Variants in CUX1 observed in about 807,000 individuals in gnomAD.
CUX1 encodes protein CASP.
In CUX1, 31 loss-of-function variants were observed where a neutral mutation model predicts 158.8. The ratio of observed to expected loss-of-function variants is 0.20; its 90% CI spans 0.15 to 0.26. The LOEUF is 0.26. Among genes scored for constraint, CUX1 ranks in the 10% least tolerant of loss-of-function variants. The probability of loss-of-function intolerance (pLI) is 1.00; values close to 1 mark genes in which losing one functional copy is unlikely to be tolerated. For synonymous variants in CUX1, 879 were observed against 862.1 expected (o/e 1.02, Z -0.34); for missense variants, 1,589 against 2,014.6 (o/e 0.79, Z 4.04).
intron 20 of CUX1, among the ~76,000 whole-genome samples, chr7:102,213,321 G>A (rs1796734774): frequency 6.6e-6 from 1 of 152,234 alleles, no homozygotes; most frequent in South Asian, 2.1e-4. Context: ...GAAGTTGCCT[G>A]TTCATTGACC....
chr7:101,903,530 A>AT (rs557766270), intron 1 of CUX1, among the ~76,000 whole-genome samples: 12 of 152,226 alleles, frequency 7.9e-5, no homozygotes, highest in African/African-American at 2.4e-4. Flanking sequence ...TAAAACGGAC[A>AT]TTTTTTTGTA....
Position 102,205,145 on chromosome 7 carries a change from G to T in CUX1, c.3105G>T (p.Pro1035=). 6.2e-7 allele frequency: 1 copy of T among 1,611,602 alleles called. No individual in the cohort carries two copies. Among genetic ancestry groups the T allele is most frequent in the Non-Finnish European group, 8.5e-7 (1 of 1,178,542 alleles). ...ACTCCGTGACATCGCTCCAGGACCCGCTGCAGCAGGGCTGTGTGAGCTCAG... is the reference window on the plus strand; with the variant it reads ...ACTCCGTGACATCGCTCCAGGACCCTCTGCAGCAGGGCTGTGTGAGCTCAG... The part of the protein sequence containing the change: ...VLHSVTSLQD[P]LQQGCVSSES... The change falls in exon 20 of 24, where the codon CCG becomes CCT. Residue 1035 remains proline (P), a synonymous_variant. Coordinates refer to ENST00000292535, the MANE Select transcript of CUX1 (RefSeq NM_181552.4).
Position 102,280,861 on chromosome 7 carries a change from G to T in CUX1, c.1821+1G>T, listed in dbSNP as rs1487927117. 1 of 1,611,762 alleles carries T rather than the reference G, an allele frequency of 6.2e-7. No homozygotes were observed. On this transcript the variant is annotated splice_donor_variant, in intron 20 of 22. Coordinates refer to the CUX1 transcript ENST00000292538. LOFTEE classifies it high-confidence loss of function. ...CTGGGACAAGGCCACCCTCAGCATG[G>T]TGAGTCCCTGCCCCTACCCACCCCC...
chr7:101,949,154 C>T (rs192910422), intron 2 of CUX1, among the ~76,000 whole-genome samples: 2 of 152,148 alleles, frequency 1.3e-5, no homozygotes, highest in East Asian at 3.9e-4. Context: ...TATTTTGAGA[C>T]AGAGTCTCAC....
At chr7:102,113,558 A>AT (rs1831150999) in intron 7 of CUX1, among the ~76,000 whole-genome samples, 1 of 151,932 alleles carries the variant, frequency 6.6e-6, no homozygotes, top group Admixed American at 6.6e-5. Context: ...ACCCAGCCTA[A>AT]TTTTTTATTT....
Position 102,254,415 on chromosome 7 carries a change from A to G in CUX1, c.*5373A>G. 1.0e-6 allele frequency: 1 copy of G among 985,478 alleles called. No individual in the cohort carries two copies. Among genetic ancestry groups the G allele is most frequent in the Non-Finnish European group, 1.2e-6 (1 of 829,980 alleles). 61.0% of individuals were successfully genotyped at this position (985,478 alleles called of 1,614,324 possible). A position where few individuals can be genotyped will look rare whatever the true frequency, so the allele number is the denominator to read the frequency against. ...AACATCAAACATCTCAAAGACGGAA[A>G]AGGATAGATGGCTTCCTCCAGCCTA... is the stretch of plus-strand genomic sequence containing the variant. On this transcript the variant is annotated 3_prime_UTR_variant, in exon 24 of 24. Transcript: ENST00000292535.
At chr7:102,261,532 CTT>C (rs541810820), downstream of CUX1, among the ~76,000 whole-genome samples, 2 of 142,446 alleles carry the variant, frequency 1.4e-5, no homozygotes, top group South Asian at 2.3e-4. Flanking sequence ...ACGAAGAGCC[CTT>C]TTTTTTTTTT....
downstream of CUX1, among the ~76,000 whole-genome samples, chr7:102,261,205 G>C (rs1554543770): frequency 6.6e-6 from 1 of 152,174 alleles, no homozygotes; most frequent in Non-Finnish European, 1.5e-5. Flanking sequence ...CCAACAGGAA[G>C]GGCCCTGGTC....
intron 2 of CUX1, among the ~76,000 whole-genome samples, chr7:101,920,060 T>A (rs1804722923): frequency 6.6e-6 from 1 of 152,112 alleles, no homozygotes; most frequent in Non-Finnish European, 1.5e-5. Context: ...CCCGAGTAGC[T>A]GGGATTACAG....
At chr7:102,028,613 G>A (rs182562701) in intron 3 of CUX1, among the ~76,000 whole-genome samples, 5 of 152,312 alleles carry the variant, frequency 3.3e-5, no homozygotes, top group South Asian at 2.1e-4. Context: ...CAGAAGCCAC[G>A]AGGAGCAAGC....
At chr7:102,245,751 C>T (rs1429069611) in intron 23 of CUX1, among the ~76,000 whole-genome samples, 3 of 152,142 alleles carry the variant, frequency 2.0e-5, no homozygotes, top group Non-Finnish European at 4.4e-5. Context: ...GCAGGTGGAT[C>T]ACCTGAGGTC....
At chr7:102,033,740 C>T (rs977394618) in intron 3 of CUX1, among the ~76,000 whole-genome samples, 1 of 152,194 alleles carries the variant, frequency 6.6e-6, no homozygotes, top group African/African-American at 2.4e-5. Flanking sequence ...TCATACTTAG[C>T]AGACTCCTTC....
intron 2 of CUX1, among the ~76,000 whole-genome samples, chr7:101,941,994 A>G (rs2129140116): frequency 1.3e-5 from 2 of 152,342 alleles, no homozygotes; most frequent in South Asian, 4.1e-4. Context: ...CTGCAACGTT[A>G]TCAAACATGC....
At chr7:101,878,001 A>G (rs1332367708) in intron 1 of CUX1, among the ~76,000 whole-genome samples, 1 of 152,086 alleles carries the variant, frequency 6.6e-6, no homozygotes, top group Non-Finnish European at 1.5e-5. Flanking sequence ...CCAGGGACTT[A>G]AGTGTTTGTG....
intron 8 of CUX1, among the ~76,000 whole-genome samples, chr7:102,140,575 C>T (rs985496096): frequency 2.0e-5 from 3 of 150,478 alleles, no homozygotes; most frequent in Admixed American, 1.3e-4. Context: ...GTTAAGAGTT[C>T]GAGGCTGGGT....
In CUX1 at chr7:101,830,848, G is replaced by A. The variant is rs561014231; in HGVS notation, c.30+13179G>A. On this transcript the variant is annotated intron_variant, in intron 1 of 23. Coordinates refer to ENST00000292535, the MANE Select transcript of CUX1 (RefSeq NM_181552.4). ...ATTTAAAGACAAAATATGCAAAAATGTGCCCTGGTCTCAGAAATAACACAG... is the reference window on the plus strand; with the variant it reads ...ATTTAAAGACAAAATATGCAAAAATATGCCCTGGTCTCAGAAATAACACAG... Among the ~76,000 whole-genome samples, 4 of 152,232 alleles carry A rather than the reference G, an allele frequency of 2.6e-5. No homozygotes were observed. In the East Asian group the frequency reaches 5.8e-4, roughly 22 times the overall value.
At chr7:101,972,155 A>G (rs1812037601) in intron 2 of CUX1, among the ~76,000 whole-genome samples, 1 of 151,980 alleles carries the variant, frequency 6.6e-6, no homozygotes, top group Admixed American at 6.6e-5. Context: ...TTTAGTAGAG[A>G]CGGGGTTTCA....
At chr7:101,881,779 C>A (rs1327927466) in intron 1 of CUX1, among the ~76,000 whole-genome samples, 1 of 152,156 alleles carries the variant, frequency 6.6e-6, no homozygotes, top group Non-Finnish European at 1.5e-5. Context: ...ATCCAGAAAC[C>A]TCCTTGAAGG....
rs782506435 is a variant in CUX1 at position 102,079,080 on chromosome 7, A to G, written c.268+8663A>G. ...TAAAATTAGAAAACACTGTTCTTTT[A>G]TACTTCTTTCTCCACTGCCTGCCCC... On this transcript the variant is annotated intron_variant, in intron 4 of 23. Coordinates refer to ENST00000292535, the MANE Select transcript of CUX1 (RefSeq NM_181552.4). Among the ~76,000 whole-genome samples the G allele has an allele frequency of 2.6e-5, 4 of 152,188 alleles. No homozygotes were observed. In the South Asian group the frequency reaches 8.3e-4, roughly 32 times the overall value.
Sources: allele counts gnomAD v4.1 joint callset (sites outside exome capture counted in the v4.1 genomes callset), GRCh38; gene constraint gnomAD v4.1.1; transcripts MANE v1.5; gene names NCBI Gene and HGNC (gene_info 2026-07-23, HGNC 2026-07-21).